LRRC15: variants seen among roughly 807,000 people sequenced by gnomAD.
The protein encoded by LRRC15 is leucine-rich repeat-containing protein 15.
A neutral mutation model predicts 4.3 loss-of-function variants in LRRC15; 5 were observed. The ratio of observed to expected loss-of-function variants is 1.16; its 90% CI spans 0.61 to 2.44. The LOEUF (loss-of-function observed/expected upper bound fraction) is 2.44. LRRC15 is among the 30% of genes most tolerant of loss of function. The pLI is 0.01. For synonymous variants in LRRC15, 337 were observed against 323.2 expected, an observed-to-expected ratio of 1.04 and a Z score of -0.46; for missense variants, 769 against 747.0, an observed-to-expected ratio of 1.03 and a Z score of -0.34.
rs1165036383 is a variant in LRRC15, at chr3:194,362,934, ATTTTGTT to A, written c.-3-1895_-3-1889del. On this transcript the variant is annotated intron_variant, in intron 1 of 1. Coordinates refer to ENST00000347624, the MANE Select transcript of LRRC15 (RefSeq NM_130830.5). Reference sequence around the variant, plus strand: ...CCATTCCCCAACCACACAGACCTTGATTTTGTTTTTTTTTTTTTTTTTTTTGAGATGG... The same window carrying A: ...CCATTCCCCAACCACACAGACCTTGATTTTTTTTTTTTTTTTTTGAGATGG... Among the ~76,000 whole-genome samples the A allele has an allele frequency of 4.5e-4, 52 of 114,752 alleles. 1 individual carries two copies. Among genetic ancestry groups the A allele is most frequent in the African/African-American group, 1.5e-3 (42 of 28,094 alleles). 75.3% of individuals were successfully genotyped at this position (114,752 alleles called of 152,430 possible). A position where few individuals can be genotyped will look rare whatever the true frequency, so the allele number is the denominator to read the frequency against.
At chr3:194,361,296 G>A (rs1713622090) in intron 1 of LRRC15, among the ~76,000 whole-genome samples, 1 of 152,182 alleles carries the variant, frequency 6.6e-6, no homozygotes, top group Non-Finnish European at 1.5e-5. Context: ...ATTTTCCCAT[G>A]CTTCCACGTC....
intron 1 of LRRC15, among the ~76,000 whole-genome samples, chr3:194,362,126 CTG>C (rs151091397): frequency 1.3e-5 from 2 of 151,466 alleles, no homozygotes. Flanking sequence ...ACATATATAA[CTG>C]TGTGTGTGTA....
rs746440561 is a variant in LRRC15 at position 194,360,832 on chromosome 3, G to A, written c.212C>T (p.Ser71Phe). 53 of 1,613,888 alleles carry A rather than the reference G, an allele frequency of 3.3e-5. 1 individual carries two copies. The South Asian group carries it at 4.8e-4, about 15-fold the overall frequency. ...GAGGGCTGAGATATTGAGGAACGGGGACTCATTGAGTTCAGTGATGTGCGT... is the reference window on the plus strand; with the variant it reads ...GAGGGCTGAGATATTGAGGAACGGGAACTCATTGAGTTCAGTGATGTGCGT... ...LNTHITELNESPFLNISALIA... is the reference protein window; with the variant it reads ...LNTHITELNEFPFLNISALIA... Residue 71 changes from serine (S) to phenylalanine (F), a missense_variant, in exon 2 of 2, where the codon TCC becomes TTC. Transcript: ENST00000347624.
chr3:194,363,371 C>G, intron 1 of LRRC15: 1 of 714,640 alleles, frequency 1.4e-6, no homozygotes, highest in Non-Finnish European at 2.6e-6. Flanking sequence ...CCAAAGGCAT[C>G]TAGATGCAAA....
intron 1 of LRRC15, among the ~76,000 whole-genome samples, chr3:194,361,567 T>C (rs777445462): frequency 1.4e-4 from 22 of 152,288 alleles, no homozygotes; most frequent in Middle Eastern, 3.4e-3. Context: ...AATGTGCTGG[T>C]TAAGCACAGC....
intron 1 of LRRC15, among the ~76,000 whole-genome samples, chr3:194,367,967 G>A (rs958519089): frequency 5.3e-5 from 8 of 152,226 alleles, no homozygotes; most frequent in African/African-American, 1.4e-4. Context: ...AGGGTGGCAG[G>A]AGAAACTGAC....
At position 194,360,594 on chromosome 3, in the gene LRRC15, G is replaced by T; in HGVS notation, c.450C>A (p.Asn150Lys). Residue 150 changes from asparagine to lysine, a missense_variant, in exon 2 of 2, where the codon AAC becomes AAA. By Grantham distance (94) the Asn-to-Lys change is moderately conservative (BLOSUM62 0). Coordinates refer to ENST00000347624, the MANE Select transcript of LRRC15 (RefSeq NM_130830.5). ...IQPAHFSQCS[N>K]LKELQLHGNH... ...TGCCGTGCAACTGCAGCTCCTTGAG[G>T]TTGCTGCACTGGGAGAAGTGGGCCG... The T allele has an allele frequency of 6.2e-7, 1 of 1,614,178 alleles. No homozygotes were observed. The highest frequency in any genetic ancestry group is 8.5e-7 in the Non-Finnish European group (1 of 1,180,040).
At position 194,360,362 on chromosome 3, in the gene LRRC15, G is replaced by C. The variant is rs763975998; in HGVS notation, c.682C>G (p.Leu228Val). ...AGCAGTCCAATCTGGTTCTGCTGCA[G>C]AGCCAGTTCCTGCAGGTTAACAAGC... ...DGLVNLQELA[L>V]QQNQIGLLSP... Residue 228 changes from leucine (L) to valine (V), a missense_variant, in exon 2 of 2, where the codon CTG (leucine) becomes GTG (valine). Transcript: ENST00000347624. 2.4e-5 allele frequency: 39 copies of C among 1,614,066 alleles called. No individual in the cohort carries two copies. The highest frequency in any genetic ancestry group is 3.3e-5 in the Non-Finnish European group (39 of 1,180,044).
intron 1 of LRRC15, among the ~76,000 whole-genome samples, chr3:194,368,086 G>A (rs1353587106): frequency 1.3e-5 from 2 of 152,196 alleles, no homozygotes; most frequent in Admixed American, 6.5e-5. Flanking sequence ...CCAAAGTAGA[G>A]AGAAATGGAT....
Position 194,357,711 on chromosome 3 carries a change from T to C in LRRC15, c.*1587A>G, listed in dbSNP as rs1432971632. 6 of 152,166 alleles carry C rather than the reference T, an allele frequency of 3.9e-5. No homozygotes were observed. Among genetic ancestry groups the C allele is most frequent in the African/African-American group, 1.2e-4 (5 of 41,450 alleles). The allele number at this position is 152,166 out of a possible 1,614,324, so 9.4% of individuals were successfully genotyped here. ...AGTGTGACCCATCGGTGTACCCCCG[T>C]GTCGCCTGCTGTAAGTGAGATTCTG... On this transcript the variant is annotated 3_prime_UTR_variant, in exon 2 of 2. Coordinates refer to ENST00000347624, the MANE Select transcript of LRRC15 (RefSeq NM_130830.5).
rs1713418653 is a variant in LRRC15, at chr3:194,356,124, A to G, written c.*3174T>C. On this transcript the variant is annotated 3_prime_UTR_variant, in exon 2 of 2. Transcript: ENST00000347624. The stretch of plus-strand genomic sequence containing the variant: ...TAAAACTCCCAGCCTATTGAACACC[A>G]TGCAGAAGAGCAAGTGCCTCTGTAC... 1 of 152,204 alleles carries G rather than the reference A, an allele frequency of 6.6e-6. No individual in the cohort carries two copies. Among genetic ancestry groups the G allele is most frequent in the African/African-American group, 2.4e-5 (1 of 41,458 alleles). 9.4% of individuals were successfully genotyped at this position (152,204 alleles called of 1,614,324 possible). A position where few individuals can be genotyped will look rare whatever the true frequency, so the allele number is the denominator to read the frequency against.
rs1454178969 is a variant in LRRC15 at position 194,360,155 on chromosome 3, C to T, written c.889G>A (p.Glu297Lys). ...GIFGPMPNLR[E>K]LWLYDNHISS... ...ATGTGGTTGTCATAGAGCCAAAGCT[C>T]CCGCAGGTTGGGCATGGGCCCGAAG... Residue 297 changes from glutamate (E) to lysine (K), a missense_variant, in exon 2 of 2, where the codon GAG becomes AAG. By Grantham distance (56) the Glu-to-Lys change is moderately conservative. Coordinates refer to ENST00000347624, the MANE Select transcript of LRRC15 (RefSeq NM_130830.5). The T allele has an allele frequency of 6.2e-7, 1 of 1,613,766 alleles. No individual in the cohort carries two copies. The highest frequency in any genetic ancestry group is 8.5e-7 in the Non-Finnish European group (1 of 1,179,746).
At position 194,363,333 on chromosome 3, in the gene LRRC15, A is replaced by T. The variant is rs114484153; in HGVS notation, c.-3-2287T>A. 8.5e-3 allele frequency: 6,041 copies of T among 712,884 alleles called. 239 individuals are homozygous for T. In the African/African-American group the frequency reaches 0.088, roughly 10 times the overall value. 44.2% of individuals were successfully genotyped at this position (712,884 alleles called of 1,614,324 possible). A position where few individuals can be genotyped will look rare whatever the true frequency, so the allele number is the denominator to read the frequency against. On this transcript the variant is annotated intron_variant, in intron 1 of 1. Coordinates refer to ENST00000347624, the MANE Select transcript of LRRC15 (RefSeq NM_130830.5). ...CTTGACTAAGCATATAGAACAATGG[A>T]AACAAGAAAGGAAAAAGAATACCTT...
At position 194,358,030 on chromosome 3, in the gene LRRC15, GTCTCAGGGTC is replaced by G. The variant is rs1713483228; in HGVS notation, c.*1258_*1267del. ...GACCTGGCCAGCCATGGTGCCCCAG[GTCTCAGGGTC>G]TCTCAGGGTCTCCAGATATAATAAA... On this transcript the variant is annotated 3_prime_UTR_variant, in exon 2 of 2. Transcript: ENST00000347624. 6.6e-6 allele frequency: 1 copy of G among 152,298 alleles called. No homozygotes were observed. Among genetic ancestry groups the G allele is most frequent in the Non-Finnish European group, 1.5e-5 (1 of 68,114 alleles). The allele number at this position is 152,298 out of a possible 1,614,324, so 9.4% of individuals were successfully genotyped here.
rs1713413968 is a variant in LRRC15, at chr3:194,355,961, T to C, written c.*3337A>G. On this transcript the variant is annotated 3_prime_UTR_variant, in exon 2 of 2. Transcript: ENST00000347624. ...TTTTTTCCTGTGGTTACAAAGCTTT[T>C]GATCTATATGGTACCAAGTGAGGTT... 6.6e-6 allele frequency: 1 copy of C among 152,240 alleles called. No homozygotes were observed. The highest frequency in any genetic ancestry group is 1.9e-4 in the East Asian group (1 of 5,202). The allele number at this position is 152,240 out of a possible 1,614,324, so 9.4% of individuals were successfully genotyped here.
chr3:194,361,139 T>A, intron 1 of LRRC15, 93 bp from the exon 2 acceptor site: 1 of 1,176,448 alleles, frequency 8.5e-7, no homozygotes, highest in Non-Finnish European at 1.2e-6. Context: ...CAATGCTGGC[T>A]TGGCTTTGAA....
rs561746690 is a variant in LRRC15 at position 194,358,290 on chromosome 3, C to G, written c.*1008G>C. On this transcript the variant is annotated 3_prime_UTR_variant, in exon 2 of 2. Transcript: ENST00000347624. ...GGTCTGGGTCTAGATGCTGATTACA[C>G]AGGTATGTTCAGTTTGTGAAAATCC... 6.6e-6 allele frequency: 1 copy of G among 152,338 alleles called. No individual in the cohort carries two copies. Among genetic ancestry groups the G allele is most frequent in the South Asian group, 2.1e-4 (1 of 4,828 alleles). 9.4% of individuals were successfully genotyped at this position (152,338 alleles called of 1,614,324 possible).
intron 1 of LRRC15, among the ~76,000 whole-genome samples, chr3:194,365,384 G>T (rs903331): frequency 0.2 from 30,031 of 152,060 alleles, 3,417 homozygotes; most frequent in Non-Finnish European, 0.26. Flanking sequence ...GGGCTTTGTT[G>T]GTTGGTGGGT....
intron 1 of LRRC15, among the ~76,000 whole-genome samples, chr3:194,362,202 A>G (rs1001406640): frequency 6.6e-6 from 1 of 152,054 alleles, no homozygotes; most frequent in Non-Finnish European, 1.5e-5. Context: ...CTATATGAAT[A>G]TTTAAGGATC....
Sources: allele counts gnomAD v4.1 joint callset (sites outside exome capture counted in the v4.1 genomes callset), GRCh38; gene constraint gnomAD v4.1.1; transcripts MANE v1.5; gene names NCBI Gene and HGNC (gene_info 2026-07-23, HGNC 2026-07-21).